GPC5: variants seen among roughly 807,000 people sequenced by gnomAD.
GPC5 encodes glypican-5.
In GPC5, 47 loss-of-function variants were observed where a neutral mutation model predicts 53.9. That is an observed-to-expected ratio of 0.87 (90% CI 0.69 to 1.11). The LOEUF (loss-of-function observed/expected upper bound fraction) is 1.11, where lower values mean the gene tolerates loss of function less well. GPC5 is among the 50% of genes most tolerant of loss of function. The pLI is 0.00. For missense variants in GPC5, 748 were observed against 713.1 expected (o/e 1.05, Z -0.56); for synonymous variants, 286 against 263.3 (o/e 1.09, Z -0.84).
In GPC5 at chr13:92,563,989, AT is replaced by A. The variant is rs1233732429; in HGVS notation, c.1562-302284del. On this transcript the variant is annotated intron_variant, in intron 7 of 7. Transcript: ENST00000377067. ...ATTATTTCCAACTACTATGCACTTA[AT>A]TTTTTTTTAGAAAAAGAGGAATTAT... Among the ~76,000 whole-genome samples the A allele has an allele frequency of 4.7e-4, 35 of 74,160 alleles. No homozygotes were observed. The East Asian group carries it at 6.8e-3, about 14-fold the overall frequency. 48.7% of individuals were successfully genotyped at this position (74,160 alleles called of 152,430 possible).
intron 7 of GPC5, among the ~76,000 whole-genome samples, chr13:92,432,828 T>A (rs961118231): frequency 5.9e-5 from 9 of 152,046 alleles, no homozygotes; most frequent in African/African-American, 2.2e-4. Flanking sequence ...ATTAAATGAG[T>A]TGGGTTTCTT....
chr13:92,344,572 A>T (rs1053525278), intron 7 of GPC5, among the ~76,000 whole-genome samples: 3 of 152,196 alleles, frequency 2.0e-5, no homozygotes, highest in African/African-American at 4.8e-5. Context: ...GATTTATGGG[A>T]GAGCAGGACA....
chr13:92,035,709 T>G, intron 6 of GPC5, among the ~76,000 whole-genome samples: 1 of 147,280 alleles, frequency 6.8e-6, no homozygotes, highest in East Asian at 2.0e-4. Context: ...AAAAATTTCT[T>G]AAAATGTATT....
chr13:92,434,045 G>T (rs1052057549), intron 7 of GPC5, among the ~76,000 whole-genome samples: 2 of 152,188 alleles, frequency 1.3e-5, no homozygotes, highest in Admixed American at 6.5e-5. Context: ...TAAGAAATGA[G>T]TACAGTTAGC....
intron 7 of GPC5, among the ~76,000 whole-genome samples, chr13:92,249,171 A>G (rs561185509): frequency 1.3e-5 from 2 of 152,238 alleles, no homozygotes; most frequent in Non-Finnish European, 2.9e-5. Flanking sequence ...TTTGTATTAC[A>G]AACAGTCTAA....
chr13:92,498,247 T>C (rs1445580496), intron 7 of GPC5, among the ~76,000 whole-genome samples: 1 of 152,042 alleles, frequency 6.6e-6, no homozygotes, highest in Non-Finnish European at 1.5e-5. Context: ...CTTGTGTTAT[T>C]TCTCCCCTGA....
chr13:92,214,827 CA>C (rs2042398552), intron 7 of GPC5, among the ~76,000 whole-genome samples: 1 of 152,156 alleles, frequency 6.6e-6, no homozygotes, highest in Non-Finnish European at 1.5e-5. Flanking sequence ...AAGGTCCTTA[CA>C]ATGTGGGAGA....
At chr13:91,598,824 G>T (rs1427889923) in intron 2 of GPC5, among the ~76,000 whole-genome samples, 1 of 151,950 alleles carries the variant, frequency 6.6e-6, no homozygotes, top group South Asian at 2.1e-4. Flanking sequence ...GTATACTAGG[G>T]TATTGGTAGG....
intron 7 of GPC5, among the ~76,000 whole-genome samples, chr13:92,854,546 A>G (rs1380744521): frequency 6.6e-6 from 1 of 151,888 alleles, no homozygotes; most frequent in Non-Finnish European, 1.5e-5. Flanking sequence ...ATGTGATTAC[A>G]TATGATATGT....
intron 7 of GPC5, among the ~76,000 whole-genome samples, chr13:92,441,018 A>G (rs1012570119): frequency 6.6e-6 from 1 of 151,942 alleles, no homozygotes; most frequent in Non-Finnish European, 1.5e-5. Context: ...TTTTATTCCT[A>G]TGATAGTTTT....
At chr13:91,710,472 A>C (rs2036201226) in intron 3 of GPC5, among the ~76,000 whole-genome samples, 1 of 152,240 alleles carries the variant, frequency 6.6e-6, no homozygotes, top group Non-Finnish European at 1.5e-5. Flanking sequence ...CCTGCTTATC[A>C]AATTAGGTTA....
intron 7 of GPC5, among the ~76,000 whole-genome samples, chr13:92,720,866 G>A (rs931573486): frequency 6.6e-6 from 1 of 152,046 alleles, no homozygotes; most frequent in African/African-American, 2.4e-5. Context: ...CTACCCAGGG[G>A]ACCATTCAAA....
chr13:91,448,712 A>T, intron 1 of GPC5, 49 bp from the exon 2 acceptor site: 1 of 1,586,036 alleles, frequency 6.3e-7, no homozygotes, highest in Non-Finnish European at 8.6e-7. Context: ...AATATGTAAT[A>T]CTTGTTAAAT....
At chr13:92,230,973 C>A (rs1817161184) in intron 7 of GPC5, among the ~76,000 whole-genome samples, 10 of 152,020 alleles carry the variant, frequency 6.6e-5, no homozygotes, top group Admixed American at 6.5e-4. Flanking sequence ...AGGATAAATG[C>A]AAAGGCAGCA....
intron 7 of GPC5, among the ~76,000 whole-genome samples, chr13:92,826,467 A>G (rs1383364236): frequency 6.6e-6 from 1 of 152,158 alleles, no homozygotes; most frequent in Non-Finnish European, 1.5e-5. Context: ...GTGAGAAACT[A>G]AGAAGAGGAC....
At chr13:92,205,881 T>C (rs1026365841) in intron 7 of GPC5, among the ~76,000 whole-genome samples, 7 of 151,892 alleles carry the variant, frequency 4.6e-5, no homozygotes, top group African/African-American at 1.7e-4. Flanking sequence ...AGCCCCGCTC[T>C]ACTAAAAATA....
intron 7 of GPC5, among the ~76,000 whole-genome samples, chr13:92,172,726 T>C (rs2042079335): frequency 6.6e-6 from 1 of 151,996 alleles, no homozygotes; most frequent in Non-Finnish European, 1.5e-5. Context: ...AGAGATACTC[T>C]CCTATATGTT....
At chr13:92,560,223 AC>A (rs1233919337) in intron 7 of GPC5, among the ~76,000 whole-genome samples, 4 of 151,222 alleles carry the variant, frequency 2.6e-5, no homozygotes, top group African/African-American at 7.4e-5. Context: ...TACTTTGATT[AC>A]AAAATAGTGA....
In GPC5 at chr13:92,273,658, A is replaced by G. The variant is rs546825374; in HGVS notation, c.1561+128669A>G. Among the ~76,000 whole-genome samples, 3 of 150,248 alleles carry G rather than the reference A, an allele frequency of 2.0e-5. No homozygotes were observed. In the East Asian group the frequency reaches 5.8e-4, roughly 29 times the overall value. ...ATATATTTAGAAAATTAAAACAATT[A>G]AAAATGGCAAAAAAAATGGAGTTTG... is the stretch of plus-strand genomic sequence containing the variant. On this transcript the variant is annotated intron_variant, in intron 7 of 7. Coordinates refer to ENST00000377067, the MANE Select transcript of GPC5 (RefSeq NM_004466.6).
Sources: gnomAD v4.1 joint callset for allele counts (sites outside exome capture counted in the v4.1 genomes callset) on GRCh38, gnomAD v4.1.1 for gene constraint, MANE v1.5 for transcripts, NCBI Gene and HGNC (gene_info 2026-07-23, HGNC 2026-07-21) for gene names.